Variants in VRK2 observed in about 807,000 individuals in gnomAD.
VRK2 encodes VRK serine/threonine kinase 2, also known as serine/threonine-protein kinase VRK2.
A neutral mutation model predicts 57.6 loss-of-function variants in VRK2; 60 were observed. The observed-to-expected ratio is 1.04, with a 90% CI of 0.85 to 1.29. VRK2 has a LOEUF of 1.29. Among genes scored for constraint, VRK2 ranks in the 50% most tolerant of loss-of-function variants. The pLI, the probability that VRK2 is intolerant of heterozygous loss-of-function variation, is 0.00. For missense variants in VRK2, 705 were observed against 588.1 expected, an observed-to-expected ratio of 1.20 and a Z score of -2.06; for synonymous variants, 231 against 199.2, an observed-to-expected ratio of 1.16 and a Z score of -1.35.
intron 5 of VRK2, 44 bp downstream of exon 5, chr2:58,086,470 C>A (rs758208420): frequency 1.5e-5 from 23 of 1,493,634 alleles, no homozygotes; most frequent in Non-Finnish European, 2.0e-5. Flanking sequence ...TATAACTATT[C>A]CTTATGTGGT....
intron 7 of VRK2, among the ~76,000 whole-genome samples, chr2:58,094,956 C>G (rs1013062466): frequency 1.3e-5 from 2 of 152,110 alleles, no homozygotes; most frequent in African/African-American, 4.8e-5. Flanking sequence ...GTTATCTTAG[C>G]TATTTATACT....
intron 1 of VRK2, among the ~76,000 whole-genome samples, chr2:57,943,541 C>T (rs1054519510): frequency 6.6e-6 from 1 of 152,050 alleles, no homozygotes; most frequent in East Asian, 1.9e-4. Context: ...ACAAAGTTTG[C>T]CACTGATACA....
intron 8 of VRK2, among the ~76,000 whole-genome samples, chr2:58,123,739 C>A (rs1348658296): frequency 6.6e-6 from 1 of 151,874 alleles, no homozygotes; most frequent in Non-Finnish European, 1.5e-5. Flanking sequence ...GTAGTCCCAG[C>A]TGCTTGTGAG....
chr2:58,123,867 A>T (rs560916741), intron 8 of VRK2, among the ~76,000 whole-genome samples: 3 of 151,898 alleles, frequency 2.0e-5, no homozygotes, highest in South Asian at 4.1e-4. Context: ...AAAAAAAAAA[A>T]GTTGCACATA....
At chr2:58,046,287 G>A (rs906996740), upstream of VRK2, among the ~76,000 whole-genome samples, 1 of 152,182 alleles carries the variant, frequency 6.6e-6, no homozygotes, top group African/African-American at 2.4e-5. Flanking sequence ...GTTAATTACG[G>A]TGTTAAATTA....
chr2:58,009,928 G>A (rs1474343021), intron 1 of VRK2, among the ~76,000 whole-genome samples: 1 of 151,996 alleles, frequency 6.6e-6, no homozygotes, highest in Non-Finnish European at 1.5e-5. Flanking sequence ...CAGGGTGAGT[G>A]TATATTCCAG....
At chr2:58,064,958 C>T (rs1668418886) in intron 2 of VRK2, among the ~76,000 whole-genome samples, 1 of 152,020 alleles carries the variant, frequency 6.6e-6, no homozygotes, top group Admixed American at 6.6e-5. Context: ...CACTTACCTT[C>T]TTTCTCATTT....
intron 1 of VRK2, among the ~76,000 whole-genome samples, chr2:57,978,835 T>C (rs1457968545): frequency 1.3e-5 from 2 of 150,736 alleles, no homozygotes; most frequent in Admixed American, 1.3e-4. Context: ...CTGGTGTATG[T>C]TGTTCCCCTC....
chr2:57,960,950 A>G (rs893144376), intron 1 of VRK2, among the ~76,000 whole-genome samples: 1 of 151,982 alleles, frequency 6.6e-6, no homozygotes, highest in African/African-American at 2.4e-5. Context: ...TCCACTGGGT[A>G]GCATGCATTT....
intron 10 of VRK2, among the ~76,000 whole-genome samples, chr2:58,139,044 A>T (rs909348193): frequency 6.6e-6 from 1 of 152,106 alleles, no homozygotes. Flanking sequence ...AGAAAAAATA[A>T]AAGATGGCAA....
At chr2:58,084,836 G>A (rs1450003308) in intron 3 of VRK2, 45 bp from the exon 4 acceptor site, 4 of 1,236,674 alleles carry the variant, frequency 3.2e-6, no homozygotes, top group Non-Finnish European at 4.6e-6. Context: ...TTCCATCTTT[G>A]GGATTATTTT....
In VRK2 at chr2:58,159,756, A is replaced by T; in HGVS notation, c.*63A>T. 1 of 1,613,166 alleles carries T rather than the reference A, an allele frequency of 6.2e-7. No individual in the cohort carries two copies. The highest frequency in any genetic ancestry group is 1.7e-5 in the Admixed American group (1 of 59,956). On this transcript the variant is annotated 3_prime_UTR_variant, in exon 13 of 13. Coordinates refer to ENST00000340157, the MANE Select transcript of VRK2 (RefSeq NM_006296.7). ...TTCCAGCTCTTCACCGAAATGTTGT[A>T]TTCTTATTTCAGTGTTTCCTTCCAG...
At chr2:58,084,755 T>A (rs1396217765) in intron 3 of VRK2, 126 bp from the exon 4 acceptor site, 2 of 574,844 alleles carry the variant, frequency 3.5e-6, no homozygotes, top group African/African-American at 3.9e-5. Flanking sequence ...TGCCTATGTT[T>A]TATAAAAAGT....
chr2:58,108,128 C>T (rs1675020331), intron 7 of VRK2, among the ~76,000 whole-genome samples: 2 of 152,132 alleles, frequency 1.3e-5, no homozygotes, highest in Admixed American at 6.6e-5. Context: ...GAGTCATTTT[C>T]TTACCAAATC....
At position 58,002,048 on chromosome 2, in the gene VRK2, C is replaced by T. The variant is rs180777107; in HGVS notation, c.-438-23617C>T. Among the ~76,000 whole-genome samples the T allele has an allele frequency of 3.4e-4, 51 of 152,150 alleles. No homozygotes were observed. In the South Asian group the frequency reaches 9.7e-3, roughly 29 times the overall value. On this transcript the variant is annotated intron_variant, in intron 1 of 15. Coordinates refer to the VRK2 transcript ENST00000417641. ...TTGAATTCCTACCGTATTTCACAAA[C>T]CTAGAACATGGTAGCAACTCAATAA...
At chr2:58,020,408 T>G (rs886073731) in intron 1 of VRK2, among the ~76,000 whole-genome samples, 1 of 152,222 alleles carries the variant, frequency 6.6e-6, no homozygotes, top group African/African-American at 2.4e-5. Context: ...TCTCAATATG[T>G]TTTGAAGGCT....
chr2:57,954,679 T>G (rs1189114683), intron 1 of VRK2, among the ~76,000 whole-genome samples: 1 of 151,988 alleles, frequency 6.6e-6, no homozygotes, highest in Non-Finnish European at 1.5e-5. Context: ...TGATACTAGA[T>G]TATAGGGTCA....
chr2:57,963,951 T>A (rs1671835201), intron 1 of VRK2, among the ~76,000 whole-genome samples: 1 of 152,232 alleles, frequency 6.6e-6, no homozygotes, highest in Admixed American at 6.5e-5. Context: ...TAAACTGTCA[T>A]GTTACCATCT....
rs1670461092 is a variant in VRK2, at chr2:58,078,680, A to G, written c.137-5409A>G. ...ATCTGTTATTTTCAAAATTTAAAACAAATTTTGTTTGTTTTTATAGTAGCC... is the reference window on the plus strand; with the variant it reads ...ATCTGTTATTTTCAAAATTTAAAACGAATTTTGTTTGTTTTTATAGTAGCC... On this transcript the variant is annotated intron_variant, in intron 2 of 12. Transcript: ENST00000340157. 2.0e-5 allele frequency among the ~76,000 whole-genome samples: 3 copies of G among 152,164 alleles called. No homozygotes were observed. The South Asian group carries it at 6.2e-4, about 32-fold the overall frequency.
Sources: allele counts gnomAD v4.1 joint callset (sites outside exome capture counted in the v4.1 genomes callset), GRCh38; gene constraint gnomAD v4.1.1; transcripts MANE v1.5; gene names NCBI Gene and HGNC (gene_info 2026-07-23, HGNC 2026-07-21).